The following NRXN1 variants were observed in gnomAD, a reference collection of about 807,000 sequenced individuals.
NRXN1 encodes neurexin 1.
NRXN1 carries 39 observed loss-of-function variants against 150.9 expected under a neutral mutation model. The ratio of observed to expected loss-of-function variants is 0.26; its 90% CI spans 0.20 to 0.34. The LOEUF is 0.34. Among genes scored for constraint, NRXN1 ranks in the 10% least tolerant of loss-of-function variants. The pLI, the probability that NRXN1 is intolerant of heterozygous loss-of-function variation, is 1.00. For missense variants in NRXN1, 1,815 were observed against 1,949.9 expected (o/e 0.93, Z 1.30); for synonymous variants, 924 against 757.0 (o/e 1.22, Z -3.62).
intron 2 of NRXN1, among the ~76,000 whole-genome samples, chr2:50,943,484 C>T (rs1369375945): frequency 6.6e-6 from 1 of 152,274 alleles, no homozygotes; most frequent in South Asian, 2.1e-4. Flanking sequence ...TTCTATTTCT[C>T]TTTTTAGACC....
chr2:50,947,111 A>G (rs2104547593), intron 2 of NRXN1, among the ~76,000 whole-genome samples: 1 of 152,258 alleles, frequency 6.6e-6, no homozygotes, highest in Middle Eastern at 3.4e-3. Flanking sequence ...GAAATTTCTT[A>G]CATGACAAAG....
chr2:50,545,449 C>A (rs532698193), intron 9 of NRXN1, among the ~76,000 whole-genome samples: 4 of 152,154 alleles, frequency 2.6e-5, no homozygotes, highest in Non-Finnish European at 5.9e-5. Context: ...TGCCTATCTT[C>A]TTAGGGTGCT....
chr2:50,560,461 G>GAC, intron 8 of NRXN1, among the ~76,000 whole-genome samples: 1 of 67,030 alleles, frequency 1.5e-5, no homozygotes, highest in Admixed American at 1.5e-4. Context: ...TATTTACTTA[G>GAC]AAGCCGTCTC....
At chr2:50,785,331 C>A (rs1324819910) in intron 5 of NRXN1, among the ~76,000 whole-genome samples, 1 of 147,728 alleles carries the variant, frequency 6.8e-6, no homozygotes, top group Non-Finnish European at 1.5e-5. Context: ...TCACTGCAAG[C>A]TCCGTCTCCC....
chr2:50,649,657 T>C (rs942745903), intron 5 of NRXN1, among the ~76,000 whole-genome samples: 3 of 152,016 alleles, frequency 2.0e-5, no homozygotes, highest in African/African-American at 4.8e-5. Context: ...GAACTAGTAA[T>C]ACCTACTGTA....
chr2:50,368,661 A>T (rs1022773647), intron 17 of NRXN1, among the ~76,000 whole-genome samples: 1 of 151,984 alleles, frequency 6.6e-6, no homozygotes, highest in Non-Finnish European at 1.5e-5. Context: ...CAGAGAGTAA[A>T]GGAGATAGAA....
intron 5 of NRXN1, among the ~76,000 whole-genome samples, chr2:50,839,079 A>T (rs1337117251): frequency 6.6e-6 from 1 of 152,154 alleles, no homozygotes; most frequent in Non-Finnish European, 1.5e-5. Context: ...ACAGATTGGA[A>T]ATGCTAAATT....
Position 50,350,414 on chromosome 2 carries a change from A to G in NRXN1, c.3365-113444T>C, listed in dbSNP as rs569465687. ...ACGTGGTGCTAAAAAGACCTAAAATAGCGCACTTGTTTACAGTGTGAGAGC... is the reference window on the plus strand; with the variant it reads ...ACGTGGTGCTAAAAAGACCTAAAATGGCGCACTTGTTTACAGTGTGAGAGC... On this transcript the variant is annotated intron_variant, in intron 17 of 22. Transcript: ENST00000401669. Among the ~76,000 whole-genome samples the G allele has an allele frequency of 1.5e-4, 23 of 152,326 alleles. No homozygotes were observed. The Middle Eastern group carries it at 0.01, about 68-fold the overall frequency.
At chr2:50,901,064 C>G (rs2103954400) in intron 5 of NRXN1, among the ~76,000 whole-genome samples, 1 of 152,212 alleles carries the variant, frequency 6.6e-6, no homozygotes, top group Non-Finnish European at 1.5e-5. Flanking sequence ...GTATCACTAT[C>G]TGACACACTA....
chr2:49,956,042 A>G (rs1674877079), intron 21 of NRXN1, among the ~76,000 whole-genome samples: 1 of 152,146 alleles, frequency 6.6e-6, no homozygotes, highest in South Asian at 2.1e-4. Context: ...CATTTTATGC[A>G]TTAATCTTTT....
At chr2:50,198,460 C>G (rs1417282616) in intron 18 of NRXN1, among the ~76,000 whole-genome samples, 1 of 152,088 alleles carries the variant, frequency 6.6e-6, no homozygotes, top group East Asian at 1.9e-4. Context: ...CGTATTTTCC[C>G]ATGATAAATT....
At position 50,552,740 on chromosome 2, in the gene NRXN1, T is replaced by C. The variant is rs772795545; in HGVS notation, c.1606A>G (p.Ile536Val). 4.3e-6 allele frequency: 7 copies of C among 1,613,876 alleles called. No homozygotes were observed. The African/African-American group carries it at 6.7e-5, about 15-fold the overall frequency. ...HQKDAKHPQMIKVDFFAIEML... is the reference protein window; with the variant it reads ...HQKDAKHPQMVKVDFFAIEML... ...TCAATAGCAAAGAAGTCCACCTTTA[T>C]CATCTGTGGGTGCTTGGCATCTTTC... The change falls in exon 9 of 23, where the codon ATA (isoleucine) becomes GTA (valine). Residue 536 changes from isoleucine to valine, a missense_variant. By Grantham distance (29) the Ile-to-Val change is conservative. This residue lies in a region of NRXN1 where 638 missense variants were observed against 652.6 expected (regional missense o/e 0.98). Coordinates refer to ENST00000401669, the MANE Select transcript of NRXN1 (RefSeq NM_001330078.2).
intron 5 of NRXN1, among the ~76,000 whole-genome samples, chr2:50,858,111 G>A (rs1465782401): frequency 6.6e-6 from 1 of 150,666 alleles, no homozygotes; most frequent in Non-Finnish European, 1.5e-5. Context: ...TTTTCCGAAT[G>A]GATAAAGACA....
intron 2 of NRXN1, among the ~76,000 whole-genome samples, chr2:51,018,685 TG>T (rs749378575): frequency 6.6e-6 from 1 of 152,130 alleles, no homozygotes; most frequent in Non-Finnish European, 1.5e-5. Flanking sequence ...TTTATGTGAC[TG>T]AGCTAGTTCT....
intron 5 of NRXN1, among the ~76,000 whole-genome samples, chr2:50,764,831 A>G (rs1702209663): frequency 6.6e-6 from 1 of 152,010 alleles, no homozygotes. Flanking sequence ...CAAGAGCATG[A>G]TTTACTGTAT....
chr2:50,115,114 G>C (rs1431724773), intron 18 of NRXN1, among the ~76,000 whole-genome samples: 3 of 150,886 alleles, frequency 2.0e-5, no homozygotes, highest in Non-Finnish European at 4.4e-5. Flanking sequence ...TAGGAGCAGA[G>C]AGTATTTGGA....
chr2:50,595,127 G>A (rs1185354780), intron 8 of NRXN1, among the ~76,000 whole-genome samples: 1 of 151,964 alleles, frequency 6.6e-6, no homozygotes. Context: ...ATGAGGACAT[G>A]TGGCCACCTG....
At chr2:50,040,720 G>A (rs1043782889) in intron 21 of NRXN1, among the ~76,000 whole-genome samples, 3 of 152,110 alleles carry the variant, frequency 2.0e-5, no homozygotes, top group Admixed American at 6.5e-5. Flanking sequence ...ACTTACATAT[G>A]TACAACAAAG....
intron 21 of NRXN1, among the ~76,000 whole-genome samples, chr2:50,001,868 G>C (rs946087663): frequency 6.6e-6 from 1 of 151,942 alleles, no homozygotes; most frequent in East Asian, 1.9e-4. Flanking sequence ...AGTATAAAAT[G>C]GCAAATGTTA....
Sources: gnomAD v4.1 joint callset for allele counts (sites outside exome capture counted in the v4.1 genomes callset) on GRCh38, gnomAD v4.1.1 for gene constraint, gnomAD v4.1.1 regional missense constraint, MANE v1.5 for transcripts, NCBI Gene and HGNC (gene_info 2026-07-23, HGNC 2026-07-21) for gene names.